The following FILIP1 variants were observed in gnomAD, a reference collection of about 807,000 sequenced individuals.
The protein encoded by FILIP1 is filamin-A-interacting protein 1.
A neutral mutation model predicts 102.1 loss-of-function variants in FILIP1; 61 were observed. The observed-to-expected ratio is 0.60, with a 90% CI of 0.49 to 0.74. The LOEUF (loss-of-function observed/expected upper bound fraction) is 0.74, where lower values mean the gene tolerates loss of function less well. Ranked by LOEUF, FILIP1 falls within the 30% of genes least tolerant of loss-of-function variation. The pLI, the probability that FILIP1 is intolerant of heterozygous loss-of-function variation, is 0.00. For synonymous variants in FILIP1, 491 were observed against 526.9 expected (o/e 0.93, Z 0.93); for missense variants, 1,314 against 1,441.2 (o/e 0.91, Z 1.43).
intron 2 of FILIP1, among the ~76,000 whole-genome samples, chr6:75,403,161 G>A (rs1223166175): frequency 1.3e-5 from 2 of 152,088 alleles, no homozygotes; most frequent in African/African-American, 2.4e-5. Context: ...TAAGCATTGG[G>A]GAGCAAGTCA....
At chr6:75,321,721 G>A in intron 4 of FILIP1, among the ~76,000 whole-genome samples, 1 of 151,940 alleles carries the variant, frequency 6.6e-6, no homozygotes, top group Non-Finnish European at 1.5e-5. Context: ...GTGAACCCGG[G>A]AAGCGGAGCT....
chr6:75,431,600 C>T (rs954262023), intron 1 of FILIP1, among the ~76,000 whole-genome samples: 39 of 152,264 alleles, frequency 2.6e-4, no homozygotes, highest in Admixed American at 2.0e-3. Context: ...TCTAATGACA[C>T]TTGTGGCCAA....
chr6:75,475,724 T>C (rs2149770656), intron 1 of FILIP1, among the ~76,000 whole-genome samples: 1 of 152,306 alleles, frequency 6.6e-6, no homozygotes, highest in African/African-American at 2.4e-5. Flanking sequence ...GCTGAGGTTT[T>C]AGACAAGCCC....
intron 2 of FILIP1, among the ~76,000 whole-genome samples, chr6:75,398,562 C>G (rs1281176537): frequency 6.6e-6 from 1 of 151,958 alleles, no homozygotes; most frequent in Non-Finnish European, 1.5e-5. Context: ...AAGTATTAGC[C>G]CAGTGACTTT....
chr6:75,414,727 T>C lies in FILIP1; in HGVS notation c.246A>G (p.Gln82=), dbSNP rs775924989. The change falls in exon 2 of 6, where the codon CAA becomes CAG. Residue 82 remains glutamine (Q), a synonymous_variant. Transcript: ENST00000237172. ...SLELSKEDLI[Q]LLSIMEGELQ... is the part of the protein sequence containing the mutation. ...ACTCCCCTTCCATTATACTGAGTAG[T>C]TGGATGAGGTCTTCTTTGGATAACT... 1.1e-5 allele frequency: 18 copies of C among 1,613,652 alleles called. No homozygotes were observed. The highest frequency in any genetic ancestry group is 1.3e-5 in the Non-Finnish European group (15 of 1,179,754).
chr6:75,360,306 T>A (rs1008835947), intron 3 of FILIP1, among the ~76,000 whole-genome samples: 3 of 152,228 alleles, frequency 2.0e-5, no homozygotes, highest in African/African-American at 7.2e-5. Flanking sequence ...AGAGACTCTC[T>A]TGTATTTTTT....
chr6:75,308,979 G>C, intron 5 of FILIP1, 82 bp from the exon 6 acceptor site: 1 of 1,464,426 alleles, frequency 6.8e-7, no homozygotes, highest in East Asian at 2.3e-5. Context: ...ACATTAGTGG[G>C]ACTCTTGCCA....
At chr6:75,357,634 T>G (rs1775047947) in intron 3 of FILIP1, among the ~76,000 whole-genome samples, 1 of 152,240 alleles carries the variant, frequency 6.6e-6, no homozygotes, top group Non-Finnish European at 1.5e-5. Flanking sequence ...GATCCAGACT[T>G]TAGAATGTAG....
intron 2 of FILIP1, among the ~76,000 whole-genome samples, chr6:75,384,410 A>G (rs937641789): frequency 5.3e-5 from 8 of 152,160 alleles, no homozygotes; most frequent in Non-Finnish European, 5.9e-5. Flanking sequence ...TAAATGGAAC[A>G]GTTAGTTATC....
chr6:75,319,162 G>T, intron 4 of FILIP1: 1 of 732,388 alleles, frequency 1.4e-6, no homozygotes, highest in South Asian at 1.4e-5. Context: ...TGCTGCATCA[G>T]GCTTTCCTTT....
intron 1 of FILIP1, among the ~76,000 whole-genome samples, chr6:75,445,449 A>G (rs1778413807): frequency 6.6e-6 from 1 of 151,892 alleles, no homozygotes; most frequent in African/African-American, 2.4e-5. Context: ...TATTAATCTT[A>G]TTATTCCTCA....
rs1039948840 is a variant in FILIP1, at chr6:75,415,035, T to C, written c.-6-57A>G. ...TTCTTTACCACCATCAAAATTATTT[T>C]TGCCTAAATACTTAGAAACTTATAG... On this transcript the variant is annotated intron_variant, in intron 1 of 5. Coordinates refer to ENST00000237172, the MANE Select transcript of FILIP1 (RefSeq NM_015687.5). 5 of 1,514,198 alleles carry C rather than the reference T, an allele frequency of 3.3e-6. No individual in the cohort carries two copies. The South Asian group carries it at 6.3e-5, about 19-fold the overall frequency. The allele number at this position is 1,514,198 out of a possible 1,614,324, so 93.8% of individuals were successfully genotyped here.
chr6:75,435,412 G>A (rs565265617), intron 1 of FILIP1, among the ~76,000 whole-genome samples: 1 of 152,120 alleles, frequency 6.6e-6, no homozygotes, highest in African/African-American at 2.4e-5. Flanking sequence ...TAAATGAATG[G>A]GTAAATTATT....
chr6:75,431,596 G>C (rs1471594133), intron 1 of FILIP1, among the ~76,000 whole-genome samples: 2 of 152,144 alleles, frequency 1.3e-5, no homozygotes, highest in Non-Finnish European at 2.9e-5. Context: ...GTCATCTAAT[G>C]ACACTTGTGG....
rs1228820915 is a variant in FILIP1 at position 75,372,721 on chromosome 6, AG to A, written c.277-9805del. Among the ~76,000 whole-genome samples the A allele has an allele frequency of 4.7e-3, 217 of 46,630 alleles. 12 individuals are homozygous for A. The highest frequency in any genetic ancestry group is 0.019 in the African/African-American group (151 of 7,784). 30.6% of individuals were successfully genotyped at this position (46,630 alleles called of 152,430 possible). A position where few individuals can be genotyped will look rare whatever the true frequency, so the allele number is the denominator to read the frequency against. ...AGAAAGAAAGAAAGAAAGGAAAGAA[AG>A]AGAAAGAGAAAGAAAGAAAGAAAGA... On this transcript the variant is annotated intron_variant, in intron 2 of 5. Transcript: ENST00000237172.
At chr6:75,304,989 AG>A (rs1772940455), downstream of FILIP1, among the ~76,000 whole-genome samples, 1 of 152,240 alleles carries the variant, frequency 6.6e-6, no homozygotes, top group Non-Finnish European at 1.5e-5. Flanking sequence ...ACTGGGCAGT[AG>A]CTACAGAGGA....
chr6:75,477,121 C>T (rs1261591364), intron 1 of FILIP1, among the ~76,000 whole-genome samples: 2 of 152,140 alleles, frequency 1.3e-5, no homozygotes, highest in African/African-American at 4.8e-5. Context: ...GTGTAGCTTT[C>T]ATGTATATTA....
In FILIP1 at chr6:75,314,387, C is replaced by T. The variant is rs1773347267; in HGVS notation, c.1445G>A (p.Cys482Tyr). 1 of 1,528,488 alleles carries T rather than the reference C, an allele frequency of 6.5e-7. No individual in the cohort carries two copies. The highest frequency in any genetic ancestry group is 1.4e-5 in the African/African-American group (1 of 71,822). 94.7% of individuals were successfully genotyped at this position (1,528,488 alleles called of 1,614,324 possible). A position where few individuals can be genotyped will look rare whatever the true frequency, so the allele number is the denominator to read the frequency against. The stretch of plus-strand genomic sequence containing the variant: ...AGCCTTTTCCAATCTACTTTCAGAA[C>T]ATTCCAATTCTTTAACTCGACTCTT... ...VVKSRVKELE[C>Y]SESRLEKAEL... The change falls in exon 5 of 6, where the codon TGT becomes TAT. Residue 482 changes from cysteine to tyrosine, a missense_variant. By Grantham distance (194) the Cys-to-Tyr change is radical. This residue lies in a region of FILIP1 where 816 missense variants were observed against 913.1 expected (regional missense o/e 0.89). Coordinates refer to ENST00000237172, the MANE Select transcript of FILIP1 (RefSeq NM_015687.5).
chr6:75,302,706 G>A (rs955938502), intron 6 of FILIP1, among the ~76,000 whole-genome samples: 2 of 152,150 alleles, frequency 1.3e-5, no homozygotes, highest in African/African-American at 2.4e-5. Flanking sequence ...ATGCTCAGAA[G>A]AATGGAGAAG....
Sources: allele counts gnomAD v4.1 joint callset (sites outside exome capture counted in the v4.1 genomes callset), GRCh38; gene constraint gnomAD v4.1.1; regional missense constraint gnomAD v4.1.1; transcripts MANE v1.5; gene names NCBI Gene and HGNC (gene_info 2026-07-23, HGNC 2026-07-21).